The following CLSTN2 variants were observed in gnomAD, a reference collection of about 807,000 sequenced individuals.
CLSTN2 encodes calsyntenin 2.
A neutral mutation model predicts 101.2 loss-of-function variants in CLSTN2; 48 were observed. The ratio of observed to expected loss-of-function variants is 0.47; its 90% confidence interval spans 0.38 to 0.60. The LOEUF (loss-of-function observed/expected upper bound fraction) is 0.60. Among genes scored for constraint, CLSTN2 ranks in the 20% least tolerant of loss-of-function variants. CLSTN2 has a pLI of 0.00. For missense variants in CLSTN2, 1,160 were observed against 1,238.2 expected (o/e 0.94, Z 0.95); for synonymous variants, 481 against 463.6 (o/e 1.04, Z -0.48).
At chr3:140,334,875 G>A (rs1412095620) in intron 2 of CLSTN2, among the ~76,000 whole-genome samples, 1 of 152,188 alleles carries the variant, frequency 6.6e-6, no homozygotes, top group Non-Finnish European at 1.5e-5. Flanking sequence ...GCTGACCCTG[G>A]AAATCAACCT....
At chr3:140,238,433 A>G (rs2086434358) in intron 2 of CLSTN2, among the ~76,000 whole-genome samples, 2 of 152,120 alleles carry the variant, frequency 1.3e-5, no homozygotes, top group Non-Finnish European at 2.9e-5. Context: ...AAAAAAATCT[A>G]TACTTTCCAG....
chr3:140,030,298 G>C (rs965431159), intron 1 of CLSTN2, among the ~76,000 whole-genome samples: 3 of 152,150 alleles, frequency 2.0e-5, no homozygotes, highest in African/African-American at 7.2e-5. Flanking sequence ...GAGTTGGGTA[G>C]CTTCCCCAAT....
At chr3:140,324,193 G>A (rs901681321) in intron 2 of CLSTN2, among the ~76,000 whole-genome samples, 36 of 152,068 alleles carry the variant, frequency 2.4e-4, no homozygotes, top group Admixed American at 3.9e-4. Flanking sequence ...GTTGATGGAG[G>A]GCTCAGTTAT....
Position 140,306,403 on chromosome 3 carries a change from G to GA in CLSTN2, c.233-97215dup, listed in dbSNP as rs552465965. ...TTCTAAGAGGACAGCAACATGTTTA[G>GA]AAAAAAAAAAACTCAGGTTTTATTG... On this transcript the variant is annotated intron_variant, in intron 2 of 16. Transcript: ENST00000458420. Among the ~76,000 whole-genome samples the GA allele has an allele frequency of 5.2e-3, 752 of 145,926 alleles. 6 individuals carry two copies. Among genetic ancestry groups the GA allele is most frequent in the African/African-American group, 0.014 (564 of 40,066 alleles).
intron 9 of CLSTN2, among the ~76,000 whole-genome samples, chr3:140,545,919 T>G (rs147136408): frequency 7.7e-4 from 118 of 152,322 alleles, no homozygotes; most frequent in African/African-American, 2.8e-3. Context: ...CAACACATTG[T>G]GAGAAAGCCA....
intron 2 of CLSTN2, among the ~76,000 whole-genome samples, chr3:140,375,560 A>G (rs192027310): frequency 6.6e-6 from 1 of 152,254 alleles, no homozygotes; most frequent in Admixed American, 6.5e-5. Context: ...TTCTTTTAGT[A>G]TCCGCTTTGC....
At chr3:140,431,378 C>T (rs2088626293) in intron 5 of CLSTN2, among the ~76,000 whole-genome samples, 1 of 152,136 alleles carries the variant, frequency 6.6e-6, no homozygotes, top group South Asian at 2.1e-4. Flanking sequence ...ATGCCGGGCC[C>T]AGGTGTGGCT....
At chr3:140,498,477 C>A (rs561552332) in intron 8 of CLSTN2, among the ~76,000 whole-genome samples, 9 of 152,198 alleles carry the variant, frequency 5.9e-5, no homozygotes, top group Non-Finnish European at 1.3e-4. Context: ...ACCTTTCCTG[C>A]CCCAGATGGT....
In CLSTN2 at chr3:140,459,526, T is replaced by G. The variant is rs760438002; in HGVS notation, c.979T>G (p.Ser327Ala). The G allele has an allele frequency of 6.2e-7, 1 of 1,613,780 alleles. No individual in the cohort carries two copies. Among genetic ancestry groups the G allele is most frequent in the Non-Finnish European group, 8.5e-7 (1 of 1,179,692 alleles). ...EKSLQKLCGA[S>A]SGIIDLLPSP... ...TCTTTCCTGACCCTCTGCAGGAGCC[T>G]CCTCTGGCATCATTGACCTCTTGCC... is the stretch of plus-strand genomic sequence containing the variant. Residue 327 changes from serine to alanine, a missense_variant, in exon 7 of 17, where the codon TCC becomes GCC. Physicochemically the swap from Ser to Ala is moderately conservative, Grantham distance 99. Coordinates refer to ENST00000458420, the MANE Select transcript of CLSTN2 (RefSeq NM_022131.3).
At chr3:140,273,282 G>T (rs555158748) in intron 2 of CLSTN2, among the ~76,000 whole-genome samples, 1 of 152,208 alleles carries the variant, frequency 6.6e-6, no homozygotes, top group South Asian at 2.1e-4. Flanking sequence ...AAACCTAGAT[G>T]ATGGGTTGAT....
chr3:140,035,438 T>G (rs1364230013), intron 1 of CLSTN2, among the ~76,000 whole-genome samples: 1 of 152,200 alleles, frequency 6.6e-6, no homozygotes, highest in African/African-American at 2.4e-5. Flanking sequence ...GCCCATTTTC[T>G]CCATAGCAGC....
chr3:140,294,407 T>A (rs2086983254), intron 2 of CLSTN2, among the ~76,000 whole-genome samples: 1 of 152,220 alleles, frequency 6.6e-6, no homozygotes, highest in Non-Finnish European at 1.5e-5. Context: ...AAGTCTTTTT[T>A]ACTGGAGGCC....
chr3:140,554,228 T>C lies in CLSTN2; in HGVS notation c.1675-2285T>C, dbSNP rs114533124. Among the ~76,000 whole-genome samples, 803 of 152,230 alleles carry C rather than the reference T, an allele frequency of 5.3e-3. 6 individuals are homozygous for C. Among genetic ancestry groups the C allele is most frequent in the African/African-American group, 0.019 (777 of 41,512 alleles). The stretch of plus-strand genomic sequence containing the variant: ...ATGTGATGGTCGAAGGTGACAAAGA[T>C]TGAGCTATCAGTTGGCTAGGGGACA... On this transcript the variant is annotated intron_variant, in intron 10 of 16. Coordinates refer to ENST00000458420, the MANE Select transcript of CLSTN2 (RefSeq NM_022131.3).
chr3:140,202,179 T>C (rs985225343), intron 2 of CLSTN2, among the ~76,000 whole-genome samples: 1 of 152,182 alleles, frequency 6.6e-6, no homozygotes, highest in Non-Finnish European at 1.5e-5. Context: ...AAGAGTAATG[T>C]GATCTGACTT....
At chr3:140,052,283 C>T (rs556295902) in intron 1 of CLSTN2, among the ~76,000 whole-genome samples, 7 of 152,238 alleles carry the variant, frequency 4.6e-5, no homozygotes, top group East Asian at 1.9e-4. Flanking sequence ...CTCAGCCTCC[C>T]GAGTAGCTGG....
intron 2 of CLSTN2, among the ~76,000 whole-genome samples, chr3:140,185,161 G>A (rs1299753853): frequency 6.6e-6 from 1 of 152,130 alleles, no homozygotes; most frequent in Non-Finnish European, 1.5e-5. Context: ...CTTGGCAAGA[G>A]TCTGCAGAAT....
At chr3:140,008,445 T>C (rs764276918) in intron 1 of CLSTN2, among the ~76,000 whole-genome samples, 3 of 152,248 alleles carry the variant, frequency 2.0e-5, no homozygotes, top group Non-Finnish European at 4.4e-5. Flanking sequence ...GTAAGGAGGC[T>C]GTAGCCTGGT....
At chr3:139,977,547 G>A (rs989793307) in intron 1 of CLSTN2, among the ~76,000 whole-genome samples, 2 of 152,092 alleles carry the variant, frequency 1.3e-5, no homozygotes, top group South Asian at 2.1e-4. Context: ...AATGTCTCAG[G>A]AACCTGCTAG....
chr3:139,954,320 T>A (rs1935349466), intron 1 of CLSTN2, among the ~76,000 whole-genome samples: 1 of 152,174 alleles, frequency 6.6e-6, no homozygotes, highest in African/African-American at 2.4e-5. Flanking sequence ...TACTGTGTAG[T>A]CATTGAACTC....
Sources: gnomAD v4.1 joint callset for allele counts (sites outside exome capture counted in the v4.1 genomes callset) on GRCh38, gnomAD v4.1.1 for gene constraint, MANE v1.5 for transcripts, NCBI Gene and HGNC (gene_info 2026-07-23, HGNC 2026-07-21) for gene names.